Variants in NELFB observed in about 807,000 individuals in gnomAD.
NELFB encodes negative elongation factor complex member B, also known as negative elongation factor B.
In NELFB, 34 loss-of-function variants were observed where a neutral mutation model predicts 60.2. That is an observed-to-expected ratio of 0.56 (90% CI 0.43 to 0.75). The LOEUF is 0.75. Ranked by LOEUF, NELFB falls within the 30% of genes least tolerant of loss-of-function variation. The pLI is 0.00. For synonymous variants in NELFB, 459 were observed against 382.1 expected (o/e 1.20, Z -2.35); for missense variants, 770 against 831.6 (o/e 0.93, Z 0.91).
At chr9:137,267,739 G>A (rs1275865710) in intron 10 of NELFB, among the ~76,000 whole-genome samples, 3 of 152,078 alleles carry the variant, frequency 2.0e-5, no homozygotes, top group Non-Finnish European at 2.9e-5. Flanking sequence ...TGATCCGCCC[G>A]CCTCGGCCTC....
Position 137,273,035 on chromosome 9 carries a change from G to A in NELFB, c.*107G>A, listed in dbSNP as rs574655524. 48 of 1,272,796 alleles carry A rather than the reference G, an allele frequency of 3.8e-5. No individual in the cohort carries two copies. The African/African-American group carries it at 4.7e-4, about 12-fold the overall frequency. 78.8% of individuals were successfully genotyped at this position (1,272,796 alleles called of 1,614,324 possible). ...GTACAGGGCAGTCTCTCTTCCCGGGGCTATGGCTGGGCCTGTCCTGCCGTC... is the reference window on the plus strand; with the variant it reads ...GTACAGGGCAGTCTCTCTTCCCGGGACTATGGCTGGGCCTGTCCTGCCGTC... On this transcript the variant is annotated 3_prime_UTR_variant, in exon 13 of 13. Transcript: ENST00000343053.
At position 137,269,399 on chromosome 9, in the gene NELFB, G is replaced by A. The variant is rs576391093; in HGVS notation, c.1489+2053G>A. 3.3e-5 allele frequency among the ~76,000 whole-genome samples: 5 copies of A among 152,258 alleles called. No individual in the cohort carries two copies. In the East Asian group the frequency reaches 7.7e-4, roughly 24 times the overall value. ...TTGGGACATCGTGCTGCCGGCCGCCGGGCAGAGCCGGTTTGTTTATTTTTT... is the reference window on the plus strand; with the variant it reads ...TTGGGACATCGTGCTGCCGGCCGCCAGGCAGAGCCGGTTTGTTTATTTTTT... On this transcript the variant is annotated intron_variant, in intron 10 of 12. Transcript: ENST00000343053. This position sits in a 1 kb window ranked among gnomAD's most constrained non-coding sequence, Gnocchi z 5.3.
chr9:137,268,172 C>T (rs747086795), intron 10 of NELFB, among the ~76,000 whole-genome samples: 3 of 151,780 alleles, frequency 2.0e-5, no homozygotes, highest in African/African-American at 4.9e-5. Flanking sequence ...TTTAGCCTTG[C>T]GGTACCCACT....
chr9:137,267,391 G>C (rs932886618), intron 10 of NELFB, 45 bp downstream of exon 10: 4 of 1,537,342 alleles, frequency 2.6e-6, no homozygotes, highest in Non-Finnish European at 2.6e-6. Flanking sequence ...CCCTGCGGCA[G>C]CTGCCGTATG....
intron 4 of NELFB, among the ~76,000 whole-genome samples, chr9:137,261,657 C>CA (rs56873736): frequency 0.037 from 5,167 of 139,532 alleles, 105 homozygotes; most frequent in Non-Finnish European, 0.047. Flanking sequence ...GACTCCGTCT[C>CA]AAAAAAAAAA....
intron 4 of NELFB, among the ~76,000 whole-genome samples, chr9:137,258,165 C>A (rs1351676764): frequency 1.4e-5 from 2 of 141,562 alleles, no homozygotes; most frequent in Non-Finnish European, 3.0e-5. Context: ...ACTCTGTCAC[C>A]CAGGTTGGAG....
chr9:137,265,621 C>T (rs1830508393), intron 6 of NELFB, among the ~76,000 whole-genome samples: 1 of 151,898 alleles, frequency 6.6e-6, no homozygotes, highest in Admixed American at 6.6e-5. Context: ...GTCTCCTGAC[C>T]TGGTGATCCA....
At chr9:137,256,197 C>T in intron 2 of NELFB, 127 bp downstream of exon 2, 3 of 1,347,910 alleles carry the variant, frequency 2.2e-6, no homozygotes, top group Non-Finnish European at 3.1e-6. Context: ...GGGCCTGTGT[C>T]TGAGTGACCC....
rs150412358 is a variant in NELFB at position 137,267,603 on chromosome 9, C to T, written c.1489+257C>T. Among the ~76,000 whole-genome samples the T allele has an allele frequency of 2.1e-4, 31 of 150,700 alleles. No individual in the cohort carries two copies. The East Asian group carries it at 5.1e-3, about 25-fold the overall frequency. On this transcript the variant is annotated intron_variant, in intron 10 of 12. Coordinates refer to ENST00000343053, the MANE Select transcript of NELFB (RefSeq NM_015456.5). Reference sequence around the variant, plus strand: ...TGCCTCCTAGGTTCAAGTGATTTCTCGTGCCTCACCCTCCTGAGTAGCTGG... The same window carrying T: ...TGCCTCCTAGGTTCAAGTGATTTCTTGTGCCTCACCCTCCTGAGTAGCTGG...
chr9:137,267,473 G>T, intron 10 of NELFB, 127 bp downstream of exon 10: 2 of 667,538 alleles, frequency 3.0e-6, no homozygotes, highest in South Asian at 2.2e-5. Flanking sequence ...CTCCAACTTT[G>T]CTAGCTTTGT....
intron 1 of NELFB, 108 bp from the exon 2 acceptor site, chr9:137,255,799 C>T: frequency 1.3e-6 from 2 of 1,540,322 alleles, no homozygotes; most frequent in South Asian, 1.2e-5. Flanking sequence ...GCTGCGGTTA[C>T]CGCCAGCACG....
intron 4 of NELFB, among the ~76,000 whole-genome samples, chr9:137,261,974 C>T (rs1830452299): frequency 1.1e-5 from 1 of 94,284 alleles, no homozygotes; most frequent in Non-Finnish European, 2.5e-5. Flanking sequence ...GCCTGGCAGC[C>T]TAGGCAGAGA....
rs192297573 is a variant in NELFB, at chr9:137,264,063, C to G, written c.928-182C>G. On this transcript the variant is annotated intron_variant, in intron 5 of 12. Coordinates refer to ENST00000343053, the MANE Select transcript of NELFB (RefSeq NM_015456.5). The stretch of plus-strand genomic sequence containing the variant: ...TCACTTTCTCCACCACTGTCCTGAC[C>G]CTGCTGCTTTGGCCGGGAGGTGTGG... 1.8e-4 allele frequency among the ~76,000 whole-genome samples: 27 copies of G among 152,320 alleles called. No homozygotes were observed. In the East Asian group the frequency reaches 4.6e-3, roughly 26 times the overall value.
intron 4 of NELFB, among the ~76,000 whole-genome samples, chr9:137,262,083 G>A (rs1188572412): frequency 1.3e-5 from 2 of 152,218 alleles, no homozygotes; most frequent in African/African-American, 4.8e-5. Context: ...CTAGAAGGCA[G>A]AGCCAGGTGT....
chr9:137,256,139 G>A, intron 2 of NELFB, 69 bp downstream of exon 2: 40 of 1,531,502 alleles, frequency 2.6e-5, no homozygotes, highest in Non-Finnish European at 3.5e-5. Context: ...CGACTCAGGG[G>A]CATTTATTGT....
rs1273255790 is a variant in NELFB at position 137,263,116 on chromosome 9, TC to T, written c.823del (p.Leu275CysfsTer77). 4 of 1,613,958 alleles carry T rather than the reference TC, an allele frequency of 2.5e-6. No homozygotes were observed. The highest frequency in any genetic ancestry group is 2.5e-6 in the Non-Finnish European group (3 of 1,179,984). ...GTGCTGCAGTTTCTGCGCACGCTCT[TC>T]CTGCGCACGCGGAATGTGCACTACT... On this transcript the variant is annotated frameshift_variant, in exon 5 of 13. Coordinates refer to ENST00000343053, the MANE Select transcript of NELFB (RefSeq NM_015456.5). LOFTEE classifies it high-confidence loss of function.
intron 10 of NELFB, 61 bp downstream of exon 10, chr9:137,267,407 C>A (rs1197767432): frequency 2.0e-6 from 3 of 1,496,920 alleles, no homozygotes; most frequent in Non-Finnish European, 2.7e-6. Flanking sequence ...GTATGCAGTC[C>A]TGCCCAGGGT....
rs779622658 is a variant in NELFB at position 137,264,329 on chromosome 9, G to C, written c.1012G>C (p.Val338Leu). 6.3e-7 allele frequency: 1 copy of C among 1,598,426 alleles called. No individual in the cohort carries two copies. The highest frequency in any genetic ancestry group is 8.5e-7 in the Non-Finnish European group (1 of 1,174,052). ...GGAGCTGCAGGGGTTTCTCGATGGC[G>C]TCAAGAAGGGCCAGGAGCAGGTGCT... is the stretch of plus-strand genomic sequence containing the variant. The change falls in exon 6 of 13, where the codon GTC (valine) becomes CTC (leucine). Residue 338 changes from valine (V) to leucine (L), a missense_variant. Val to Leu is a conservative substitution (Grantham distance 32). Coordinates refer to ENST00000343053, the MANE Select transcript of NELFB (RefSeq NM_015456.5).
At chr9:137,267,610 C>G (rs1424972528) in intron 10 of NELFB, among the ~76,000 whole-genome samples, 2 of 151,634 alleles carry the variant, frequency 1.3e-5, no homozygotes, top group Admixed American at 1.3e-4. Flanking sequence ...TCTCGTGCCT[C>G]ACCCTCCTGA....
Sources: gnomAD v4.1 joint callset for allele counts (sites outside exome capture counted in the v4.1 genomes callset) on GRCh38, gnomAD v4.1.1 for gene constraint, Gnocchi (gnomAD v3.1) non-coding constraint, MANE v1.5 for transcripts, NCBI Gene and HGNC (gene_info 2026-07-23, HGNC 2026-07-21) for gene names.